The following NRCAM variants were observed in gnomAD, a reference collection of about 807,000 sequenced individuals.
NRCAM encodes the protein NgCAM-related cell adhesion molecule.
NRCAM carries 83 observed loss-of-function variants against 156.5 expected under a neutral mutation model. The observed-to-expected ratio is 0.53, with a 90% CI of 0.44 to 0.64. The LOEUF (loss-of-function observed/expected upper bound fraction) is 0.64. Among genes scored for constraint, NRCAM ranks in the 30% least tolerant of loss-of-function variants. The pLI is 0.00. For synonymous variants in NRCAM, 538 were observed against 563.9 expected (o/e 0.95, Z 0.65); for missense variants, 1,417 against 1,597.3 (o/e 0.89, Z 1.92).
At chr7:108,441,247 T>C (rs1423809186) in intron 1 of NRCAM, among the ~76,000 whole-genome samples, 1 of 152,204 alleles carries the variant, frequency 6.6e-6, no homozygotes, top group Non-Finnish European at 1.5e-5. Context: ...TATGTAACAC[T>C]TGGACCCCCC....
rs762845750 is a variant in NRCAM, at chr7:108,189,761, T to C, written c.1934-15A>G. The stretch of plus-strand genomic sequence containing the variant: ...ATTTGGGACATCTGTAGACCAAACA[T>C]ACACACATCATGGTCACGCATCCAT... On this transcript the variant is annotated splice_polypyrimidine_tract_variant and intron_variant, in intron 19 of 32. Coordinates refer to ENST00000379028, the MANE Select transcript of NRCAM (RefSeq NM_001037132.4). The C allele has an allele frequency of 1.0e-6, 1 of 952,956 alleles. No individual in the cohort carries two copies. The highest frequency in any genetic ancestry group is 2.4e-5 in the East Asian group (1 of 40,906). The allele number at this position is 952,956 out of a possible 1,614,324, so 59.0% of individuals were successfully genotyped here. A position where few individuals can be genotyped will look rare whatever the true frequency, so the allele number is the denominator to read the frequency against.
intron 2 of NRCAM, among the ~76,000 whole-genome samples, chr7:108,368,604 T>A (rs539101748): frequency 6.6e-6 from 1 of 152,152 alleles, no homozygotes; most frequent in Non-Finnish European, 1.5e-5. Context: ...AATGTTGCTA[T>A]GGAATCCTTT....
intron 1 of NRCAM, among the ~76,000 whole-genome samples, chr7:108,411,009 A>T (rs985270157): frequency 2.3e-5 from 2 of 85,224 alleles, no homozygotes; most frequent in Admixed American, 1.0e-4. Flanking sequence ...CTGTTTTTTT[A>T]AAAAAACTTT....
At chr7:108,350,522 T>G (rs2099404377) in intron 2 of NRCAM, among the ~76,000 whole-genome samples, 1 of 152,182 alleles carries the variant, frequency 6.6e-6, no homozygotes, top group Non-Finnish European at 1.5e-5. Flanking sequence ...GGTGGGACAA[T>G]ATTGAGACAC....
chr7:108,263,438 G>A (rs1374871673), intron 3 of NRCAM, among the ~76,000 whole-genome samples: 2 of 152,232 alleles, frequency 1.3e-5, no homozygotes, highest in African/African-American at 4.8e-5. Context: ...ACTAACAGGT[G>A]CAAAGGGCCA....
At chr7:108,249,516 A>G (rs1195516797) in intron 3 of NRCAM, among the ~76,000 whole-genome samples, 1 of 152,238 alleles carries the variant, frequency 6.6e-6, no homozygotes, top group Non-Finnish European at 1.5e-5. Context: ...GCCTTTATAA[A>G]AAAAAATAAT....
At chr7:108,449,811 C>T (rs17423264) in intron 1 of NRCAM, among the ~76,000 whole-genome samples, 11,233 of 152,122 alleles carry the variant, frequency 0.074, 596 homozygotes, top group Non-Finnish European at 0.11. Flanking sequence ...TTTTTGAATG[C>T]TCTCAGCCCA....
intron 32 of NRCAM, among the ~76,000 whole-genome samples, chr7:108,150,464 G>GAA (rs2040664198): frequency 6.6e-6 from 1 of 152,138 alleles, no homozygotes; most frequent in Admixed American, 6.5e-5. Context: ...ATTCAGAAAA[G>GAA]TAGAAAAATC....
chr7:108,323,554 T>C (rs1289920639), intron 2 of NRCAM, among the ~76,000 whole-genome samples: 2 of 152,230 alleles, frequency 1.3e-5, no homozygotes. Flanking sequence ...GAAAGCAAAT[T>C]CTTTTTCCCA....
intron 3 of NRCAM, among the ~76,000 whole-genome samples, chr7:108,271,232 T>C (rs1212900022): frequency 1.3e-5 from 2 of 152,134 alleles, no homozygotes; most frequent in African/African-American, 2.4e-5. Context: ...ACATAAAACA[T>C]ATACTTAAAG....
At chr7:108,259,127 CAG>C (rs2096793852) in intron 3 of NRCAM, among the ~76,000 whole-genome samples, 1 of 152,194 alleles carries the variant, frequency 6.6e-6, no homozygotes, top group Admixed American at 6.5e-5. Context: ...TTCTATTGGA[CAG>C]AGTTTCTCTA....
chr7:108,422,286 T>C (rs1337001683), intron 1 of NRCAM, among the ~76,000 whole-genome samples: 2 of 152,224 alleles, frequency 1.3e-5, no homozygotes, highest in Admixed American at 1.3e-4. Flanking sequence ...TAGTGCTATA[T>C]GCCAGGCAGT....
At chr7:108,200,285 G>A (rs1430625971) in intron 13 of NRCAM, among the ~76,000 whole-genome samples, 1 of 152,190 alleles carries the variant, frequency 6.6e-6, no homozygotes, top group Non-Finnish European at 1.5e-5. Context: ...CTTCAACAGG[G>A]TATATAGATT....
At chr7:108,313,024 T>C (rs2098824688) in intron 2 of NRCAM, among the ~76,000 whole-genome samples, 1 of 152,212 alleles carries the variant, frequency 6.6e-6, no homozygotes. Context: ...AAGGTGTTTT[T>C]GTAATGTATC....
intron 1 of NRCAM, among the ~76,000 whole-genome samples, chr7:108,424,013 C>T (rs1813740374): frequency 6.6e-6 from 1 of 152,236 alleles, no homozygotes; most frequent in South Asian, 2.1e-4. Flanking sequence ...CCCTCTCTTC[C>T]AAAAGGAAAG....
chr7:108,329,521 G>C (rs1168483042), intron 2 of NRCAM, among the ~76,000 whole-genome samples: 1 of 152,148 alleles, frequency 6.6e-6, no homozygotes, highest in South Asian at 2.1e-4. Context: ...TTCAAGTTTT[G>C]AAAGTGTCCA....
At chr7:108,374,601 G>T (rs906086430) in intron 2 of NRCAM, among the ~76,000 whole-genome samples, 1 of 152,140 alleles carries the variant, frequency 6.6e-6, no homozygotes, top group Admixed American at 6.6e-5. Context: ...GAAAGATGAT[G>T]AATTCAAATA....
intron 2 of NRCAM, among the ~76,000 whole-genome samples, chr7:108,340,519 A>C (rs2099264003): frequency 6.6e-6 from 1 of 152,182 alleles, no homozygotes; most frequent in South Asian, 2.1e-4. Context: ...CTGGTATCTC[A>C]GTCAGGTCAA....
chr7:108,438,456 T>C (rs1271347988), intron 1 of NRCAM, among the ~76,000 whole-genome samples: 1 of 152,078 alleles, frequency 6.6e-6, no homozygotes, highest in Non-Finnish European at 1.5e-5. Flanking sequence ...CAAAATCCCT[T>C]TCATGATAAA....
Sources: gnomAD v4.1 joint callset for allele counts (sites outside exome capture counted in the v4.1 genomes callset) on GRCh38, gnomAD v4.1.1 for gene constraint, MANE v1.5 for transcripts, NCBI Gene and HGNC (gene_info 2026-07-23, HGNC 2026-07-21) for gene names.